Variants in HR observed in about 807,000 individuals in gnomAD.
The protein encoded by HR is HR lysine demethylase and nuclear receptor corepressor.
In HR, 83 loss-of-function variants were observed where a neutral mutation model predicts 128.6. The ratio of observed to expected loss-of-function variants is 0.65; its 90% CI spans 0.54 to 0.77. The LOEUF (loss-of-function observed/expected upper bound fraction) is 0.77, where lower values mean the gene tolerates loss of function less well. HR is among the 30% of genes least tolerant of loss of function. HR has a pLI of 0.00. For synonymous variants in HR, 681 were observed against 658.2 expected, an observed-to-expected ratio of 1.03 and a Z score of -0.53; for missense variants, 1,490 against 1,574.6, an observed-to-expected ratio of 0.95 and a Z score of 0.91.
chr8:22,128,888 C>G lies in HR; in HGVS notation c.283G>C (p.Glu95Gln), dbSNP rs751739756. Residue 95 changes from glutamate to glutamine, a missense_variant, in exon 2 of 19, where the codon GAG becomes CAG. Physicochemically the swap from Glu to Gln is conservative, Grantham distance 29. Coordinates refer to ENST00000381418, the MANE Select transcript of HR (RefSeq NM_005144.5). ...ATGGCCTCCTTCCAGCGCAGTCCCT[C>G]TTTGCTGCCCAGCCAGTTGACCTTC... ...ERKVNWLGSKEGLRWKEAMLT... is the reference protein window; with the variant it reads ...ERKVNWLGSKQGLRWKEAMLT... The G allele has an allele frequency of 1.2e-6, 2 of 1,613,484 alleles. No homozygotes were observed. Among genetic ancestry groups the G allele is most frequent in the Non-Finnish European group, 1.7e-6 (2 of 1,180,030 alleles).
At chr8:22,119,613 CAACA>C in intron 14 of HR, 143 bp downstream of exon 14, 8 of 1,043,062 alleles carry the variant, frequency 7.7e-6, no homozygotes, top group Non-Finnish European at 1.0e-5. Flanking sequence ...GTCTCAACAA[CAACA>C]AAAAAAAAAA....
intron 11 of HR, 65 bp from the exon 12 acceptor site, chr8:22,120,572 G>A (rs1297691547): frequency 5.6e-6 from 9 of 1,605,726 alleles, no homozygotes; most frequent in Admixed American, 1.7e-5. Flanking sequence ...GCCAGGCAAG[G>A]GCGTGTTGTA....
At chr8:22,115,817 C>G (rs993294935) in intron 18 of HR, 55 bp from the exon 19 acceptor site, 4 of 1,530,302 alleles carry the variant, frequency 2.6e-6, no homozygotes, top group Non-Finnish European at 3.6e-6. Flanking sequence ...GGCCCACCCG[C>G]TGTCCCCCAC....
At position 22,122,515 on chromosome 8, in the gene HR, G is replaced by C; in HGVS notation, c.2099C>G (p.Ala700Gly). The change falls in exon 8 of 19, where the codon GCC becomes GGC. Residue 700 changes from alanine to glycine, a missense_variant. Transcript: ENST00000381418. ...TACCTGCTGGCCTGCATCCCCGGGGGCCCATACCCGGGCATCAGCTTGGCA... is the reference window on the plus strand; with the variant it reads ...TACCTGCTGGCCTGCATCCCCGGGGCCCCATACCCGGGCATCAGCTTGGCA... ...CPCQADARVW[A>G]PGDAGQQKES... 6.2e-7 allele frequency: 1 copy of C among 1,610,628 alleles called. No individual in the cohort carries two copies. Among genetic ancestry groups the C allele is most frequent in the Non-Finnish European group, 8.5e-7 (1 of 1,178,748 alleles).
chr8:22,128,190 C>A (rs930887013), intron 2 of HR: 16 of 509,428 alleles, frequency 3.1e-5, no homozygotes, highest in Non-Finnish European at 5.7e-5. Flanking sequence ...GAGGAGGTAC[C>A]CTAGACATGG....
In HR at chr8:22,121,713, AC is replaced by A. The variant is rs768271592; in HGVS notation, c.2122-20del. ...ATTCCTTCTGTTAAACCCATCCACC[AC>A]CCCCCCAATCCAACCAGAGATTTTA... On this transcript the variant is annotated intron_variant, in intron 8 of 18. Transcript: ENST00000381418. 1.2e-5 allele frequency: 20 copies of A among 1,609,546 alleles called. No individual in the cohort carries two copies. Among genetic ancestry groups the A allele is most frequent in the East Asian group, 2.2e-5 (1 of 44,804 alleles).
Position 22,127,741 on chromosome 8 carries a change from C to A in HR, c.701G>T (p.Gly234Val), listed in dbSNP as rs779568109. 52 of 1,604,102 alleles carry A rather than the reference C, an allele frequency of 3.2e-5. No homozygotes were observed. The highest frequency in any genetic ancestry group is 1.2e-5 in the Non-Finnish European group (14 of 1,179,992). Reference protein sequence around the residue: ...AEPGLFGLNSGGHLQRAGEAE... With the variant: ...AEPGLFGLNSVGHLQRAGEAE... ...CTCCCCGGCTCTCTGCAGGTGCCCACCAGAGTTTAAGCCAAACAACCCAGG... is the reference window on the plus strand; with the variant it reads ...CTCCCCGGCTCTCTGCAGGTGCCCAACAGAGTTTAAGCCAAACAACCCAGG... The change falls in exon 3 of 19, where the codon GGT (glycine) becomes GTT (valine). Residue 234 changes from glycine to valine, a missense_variant. Around this residue, in one of 3 missense-constraint regions of HR, gnomAD observed 1,060 missense variants for 1,060.9 expected, o/e 1.00. Coordinates refer to ENST00000381418, the MANE Select transcript of HR (RefSeq NM_005144.5).
chr8:22,122,691 G>A lies in HR; in HGVS notation c.2006-83C>T, dbSNP rs1826785496. 4 of 1,489,648 alleles carry A rather than the reference G, an allele frequency of 2.7e-6. No individual in the cohort carries two copies. The Admixed American group carries it at 5.8e-5, about 22-fold the overall frequency. The allele number at this position is 1,489,648 out of a possible 1,614,324, so 92.3% of individuals were successfully genotyped here. A position where few individuals can be genotyped will look rare whatever the true frequency, so the allele number is the denominator to read the frequency against. ...GTCCCGGGCAGCTTGGCCTTGCCAA[G>A]CAGAAGGGCATGGCACTGGGGGGAG... On this transcript the variant is annotated intron_variant, in intron 7 of 18. Coordinates refer to ENST00000381418, the MANE Select transcript of HR (RefSeq NM_005144.5).
In HR at chr8:22,127,249, G is replaced by A; in HGVS notation, c.1193C>T (p.Pro398Leu). 1 of 1,613,160 alleles carries A rather than the reference G, an allele frequency of 6.2e-7. No individual in the cohort carries two copies. Among genetic ancestry groups the A allele is most frequent in the Non-Finnish European group, 8.5e-7 (1 of 1,180,028 alleles). ...SEQFECPRGC[P>L]EVEERPVARL... is the part of the protein sequence containing the mutation. ...AGCAACCGGCCTCTCCTCGACCTCAGGGCAGCCGCGTGGACATTCAAACTG... is the reference window on the plus strand; with the variant it reads ...AGCAACCGGCCTCTCCTCGACCTCAAGGCAGCCGCGTGGACATTCAAACTG... The change falls in exon 3 of 19, where the codon CCT becomes CTT. Residue 398 changes from proline to leucine, a missense_variant. Pro to Leu is a moderately conservative substitution (Grantham distance 98). Coordinates refer to ENST00000381418, the MANE Select transcript of HR (RefSeq NM_005144.5).
Position 22,121,225 on chromosome 8 carries a change from G to A in HR, c.2207C>T (p.Thr736Ile). ...TGCTGGGGTCTCAGCGGAATCGGGG[G>A]TCTCTGTCAGGGAGGAAGATGGTGG... ...THRTKSIKEE[T>I]PDSAETPAED... is the part of the protein sequence containing the mutation. Residue 736 changes from threonine (T) to isoleucine (I), a missense_variant, in exon 10 of 19, where the codon ACC (threonine) becomes ATC (isoleucine). Physicochemically the swap from Thr to Ile is moderately conservative, Grantham distance 89. Around this residue, in one of 3 missense-constraint regions of HR, gnomAD observed 1,060 missense variants for 1,060.9 expected, o/e 1.00. Transcript: ENST00000381418. 6.2e-7 allele frequency: 1 copy of A among 1,613,700 alleles called. No homozygotes were observed. The highest frequency in any genetic ancestry group is 8.5e-7 in the Non-Finnish European group (1 of 1,179,956).
rs977635631 is a variant in HR at position 22,116,328 on chromosome 8, G to A, written c.3479C>T (p.Pro1160Leu). The change falls in exon 18 of 19, where the codon CCC becomes CTC. Residue 1160 changes from proline to leucine, a missense_variant. This residue lies in a region of HR where 423 missense variants were observed against 495.9 expected (regional missense o/e 0.85). Coordinates refer to ENST00000381418, the MANE Select transcript of HR (RefSeq NM_005144.5). This position sits in a 1 kb window ranked among gnomAD's most constrained non-coding sequence, Gnocchi z 4.2. ...AQLCHQGPSL[P>L]PDCHLLYAQM... ...GGCATAAAGCAGGTGGCAGTCAGGG[G>A]GAAGGCTGGGTCCCTGGTGGCAGAG... 7 of 1,612,602 alleles carry A rather than the reference G, an allele frequency of 4.3e-6. No individual in the cohort carries two copies. Among genetic ancestry groups the A allele is most frequent in the Non-Finnish European group, 5.9e-6 (7 of 1,179,910 alleles).
At chr8:22,127,899 T>A (rs983138369) in intron 2 of HR, 70 bp from the exon 3 acceptor site, 1 of 1,428,642 alleles carries the variant, frequency 7.0e-7, no homozygotes, top group Admixed American at 1.7e-5. Context: ...TGGGCAGAAC[T>A]GACAAGCAAG....
chr8:22,122,338 A>G (rs1826774971), intron 8 of HR, among the ~76,000 whole-genome samples, 155 bp downstream of exon 8: 2 of 151,982 alleles, frequency 1.3e-5, no homozygotes. Flanking sequence ...AGCGCTGGAG[A>G]TCATGCATGG....
At chr8:22,115,837 A>C in intron 18 of HR, 75 bp from the exon 19 acceptor site, 3 of 1,426,644 alleles carry the variant, frequency 2.1e-6, no homozygotes, top group South Asian at 1.2e-5. Context: ...CCCTACTTAA[A>C]AGGAATACTC....
In HR at chr8:22,127,091, C is replaced by T; in HGVS notation, c.1351G>A (p.Asp451Asn). 6.2e-7 allele frequency: 1 copy of T among 1,611,202 alleles called. No homozygotes were observed. Among genetic ancestry groups the T allele is most frequent in the Non-Finnish European group, 8.5e-7 (1 of 1,178,840 alleles). ...QGAGGWQEVRDTSIGNKDVDS... is the reference protein window; with the variant it reads ...QGAGGWQEVRNTSIGNKDVDS... Reference sequence around the variant, plus strand: ...ACATCCTTGTTCCCTATCGATGTGTCCCGCACCTCCTGCCAACCCCCAGCC... The same window carrying T: ...ACATCCTTGTTCCCTATCGATGTGTTCCGCACCTCCTGCCAACCCCCAGCC... Residue 451 changes from aspartate (D) to asparagine (N), a missense_variant, in exon 3 of 19, where the codon GAC becomes AAC. Asp to Asn is a conservative substitution (Grantham distance 23). This residue lies in a region of HR where 1,060 missense variants were observed against 1,060.9 expected (regional missense o/e 1.00). Transcript: ENST00000381418.
Position 22,116,460 on chromosome 8 carries a change from A to C in HR, c.3379-32T>G, listed in dbSNP as rs7816286. On this transcript the variant is annotated intron_variant, in intron 17 of 18. Coordinates refer to ENST00000381418, the MANE Select transcript of HR (RefSeq NM_005144.5). This position sits in a 1 kb window ranked among gnomAD's most constrained non-coding sequence, Gnocchi z 4.2. Reference sequence around the variant, plus strand: ...CGGGGGGACATGGACAGTGAGGCTCAAGATCACACATCCTCTCCCTGTCCC... The same window carrying C: ...CGGGGGGACATGGACAGTGAGGCTCCAGATCACACATCCTCTCCCTGTCCC... The C allele has an allele frequency of 6.6e-3, 10,676 of 1,608,866 alleles. 94 individuals carry two copies. Among genetic ancestry groups the C allele is most frequent in the African/African-American group, 0.036 (2,695 of 74,888 alleles).
chr8:22,119,892 T>C lies in HR; in HGVS notation c.2847-2A>G. ...AGACTGGCAGCTAGGTTCTCCACCC[T>C]GTCAGGGTAGGGGGTCATGCCCAGC... On this transcript the variant is annotated splice_acceptor_variant, in intron 13 of 18. Coordinates refer to ENST00000381418, the MANE Select transcript of HR (RefSeq NM_005144.5). LOFTEE classifies it high-confidence loss of function. 1 of 1,613,342 alleles carries C rather than the reference T, an allele frequency of 6.2e-7. No homozygotes were observed. Among genetic ancestry groups the C allele is most frequent in the Non-Finnish European group, 8.5e-7 (1 of 1,179,968 alleles).
At chr8:22,119,602 C>T (rs1218320440) in intron 14 of HR, among the ~76,000 whole-genome samples, 158 bp downstream of exon 14, 6 of 150,372 alleles carry the variant, frequency 4.0e-5, no homozygotes, top group Admixed American at 2.0e-4. Context: ...AGCAAAACTC[C>T]GTCTCAACAA....
chr8:22,123,617 T>TTGGGC, intron 6 of HR, 32 bp downstream of exon 6: 20 of 292,080 alleles, frequency 6.8e-5, no homozygotes, highest in Non-Finnish European at 1.1e-4. Flanking sequence ...GAGGGCTCCA[T>TTGGGC]CCCGCCCTCC....
Sources: allele counts gnomAD v4.1 joint callset (sites outside exome capture counted in the v4.1 genomes callset), GRCh38; gene constraint gnomAD v4.1.1; regional missense constraint gnomAD v4.1.1; non-coding constraint Gnocchi (gnomAD v3.1); transcripts MANE v1.5; gene names NCBI Gene and HGNC (gene_info 2026-07-23, HGNC 2026-07-21).